The following WDR88 variants were observed in gnomAD, a reference collection of about 807,000 sequenced individuals.
WDR88 encodes the protein WD repeat-containing protein 88.
Under a neutral mutation model 46.8 loss-of-function variants are expected in WDR88, and 40 were observed. The ratio of observed to expected loss-of-function variants is 0.86; its 90% CI spans 0.66 to 1.11. The LOEUF (loss-of-function observed/expected upper bound fraction) is 1.11. Ranked by LOEUF, WDR88 falls within the 50% of genes most tolerant of loss-of-function variation. The pLI is 0.00. For synonymous variants in WDR88, 235 were observed against 240.7 expected, an observed-to-expected ratio of 0.98 and a Z score of 0.22; for missense variants, 562 against 602.4, an observed-to-expected ratio of 0.93 and a Z score of 0.70.
intron 1 of WDR88, among the ~76,000 whole-genome samples, chr19:33,132,907 C>T (rs1243563829): frequency 6.6e-6 from 1 of 152,192 alleles, no homozygotes; most frequent in Non-Finnish European, 1.5e-5. Flanking sequence ...CACCTGTAAT[C>T]CCAGCCCTTT....
chr19:33,151,238 C>T lies in WDR88; in HGVS notation c.737C>T (p.Ala246Val), dbSNP rs1157302011. Residue 246 changes from alanine (A) to valine (V), a missense_variant, in exon 6 of 11, where the codon GCT (alanine) becomes GTT (valine). By Grantham distance (64) the Ala-to-Val change is moderately conservative (BLOSUM62 0). Coordinates refer to ENST00000355868, the MANE Select transcript of WDR88 (RefSeq NM_173479.4). ...CCFDPDSQRV[A>V]SVSLDRCIKI... ...TTTGACCCCGACAGCCAGAGGGTGG[C>T]TTCTGTCTCATTGGACAGGTGCATC... is the stretch of plus-strand genomic sequence containing the variant. The T allele has an allele frequency of 6.2e-7, 1 of 1,613,828 alleles. No homozygotes were observed. Among genetic ancestry groups the T allele is most frequent in the South Asian group, 1.1e-5 (1 of 90,922 alleles).
intron 6 of WDR88, among the ~76,000 whole-genome samples, chr19:33,153,234 T>TC (rs1568365561): frequency 6.9e-6 from 1 of 145,226 alleles, no homozygotes; most frequent in Non-Finnish European, 1.5e-5. Context: ...AGTTTGTTTT[T>TC]TTTTTTTTTT....
intron 9 of WDR88, among the ~76,000 whole-genome samples, chr19:33,168,432 G>C (rs989816487): frequency 9.9e-5 from 15 of 152,054 alleles, no homozygotes; most frequent in African/African-American, 3.6e-4. Context: ...AAAGTTTCAG[G>C]GTACAAAATC....
intron 2 of WDR88, among the ~76,000 whole-genome samples, chr19:33,143,118 C>A (rs984001043): frequency 3.3e-5 from 5 of 151,660 alleles, no homozygotes; most frequent in African/African-American, 1.2e-4. Flanking sequence ...TTGCTTGAGG[C>A]CAAGAGTTTG....
In WDR88 at chr19:33,149,026, G is replaced by A. The variant is rs1373797516; in HGVS notation, c.679+116G>A. The A allele has an allele frequency of 1.2e-5, 18 of 1,469,196 alleles. No homozygotes were observed. The Admixed American group carries it at 2.1e-4, about 17-fold the overall frequency. 91.0% of individuals were successfully genotyped at this position (1,469,196 alleles called of 1,614,324 possible). A position where few individuals can be genotyped will look rare whatever the true frequency, so the allele number is the denominator to read the frequency against. On this transcript the variant is annotated intron_variant, in intron 5 of 10. Transcript: ENST00000355868. ...GTGAAACTGTAATGGTATGAAGCAC[G>A]TCATTAAAGCTGGGACACTAGGCTA...
At position 33,132,124 on chromosome 19, in the gene WDR88, T is replaced by C; in HGVS notation, c.-46T>C. On this transcript the variant is annotated 5_prime_UTR_variant, in exon 1 of 11. Transcript: ENST00000355868. The stretch of plus-strand genomic sequence containing the variant: ...CGGGCGCGGGCGCGCGGCGCCACCG[T>C]TCCCATCCAGGCTTGTCGGCGGCCA... 1.3e-6 allele frequency: 2 copies of C among 1,529,462 alleles called. No homozygotes were observed. Among genetic ancestry groups the C allele is most frequent in the Non-Finnish European group, 1.7e-6 (2 of 1,143,090 alleles). The allele number at this position is 1,529,462 out of a possible 1,614,324, so 94.7% of individuals were successfully genotyped here.
intron 1 of WDR88, among the ~76,000 whole-genome samples, chr19:33,135,204 C>T (rs1973237644): frequency 6.6e-6 from 1 of 152,100 alleles, no homozygotes; most frequent in African/African-American, 2.4e-5. Context: ...CCCAGTTCCC[C>T]AATACCCATC....
intron 6 of WDR88, among the ~76,000 whole-genome samples, chr19:33,155,521 T>C (rs1406588226): frequency 6.7e-6 from 1 of 149,530 alleles, no homozygotes; most frequent in South Asian, 2.1e-4. Context: ...AGGATAGGAG[T>C]GAGAAAAAGG....
intron 9 of WDR88, among the ~76,000 whole-genome samples, chr19:33,167,986 G>A (rs1184440632): frequency 2.7e-5 from 4 of 150,676 alleles, no homozygotes; most frequent in Non-Finnish European, 4.4e-5. Context: ...TCAAAGTGCT[G>A]GGATTACAGG....
intron 9 of WDR88, among the ~76,000 whole-genome samples, chr19:33,169,843 T>C (rs1974008988): frequency 6.6e-6 from 1 of 152,190 alleles, no homozygotes; most frequent in South Asian, 2.1e-4. Flanking sequence ...CGGTATAGGC[T>C]ATATCTATCT....
intron 2 of WDR88, among the ~76,000 whole-genome samples, chr19:33,142,582 C>T (rs1170262521): frequency 6.6e-6 from 1 of 151,720 alleles, no homozygotes; most frequent in Non-Finnish European, 1.5e-5. Context: ...GGACCGAGGG[C>T]CTCTCCAAGA....
chr19:33,139,927 G>C (rs559793475), intron 2 of WDR88, among the ~76,000 whole-genome samples: 1 of 152,252 alleles, frequency 6.6e-6, no homozygotes, highest in African/African-American at 2.4e-5. Context: ...TGTGACCCTG[G>C]GGGGTTGCAT....
At chr19:33,149,945 C>T (rs1254835424) in intron 5 of WDR88, among the ~76,000 whole-genome samples, 1 of 151,910 alleles carries the variant, frequency 6.6e-6, no homozygotes, top group African/African-American at 2.4e-5. Context: ...CGGGCATGAG[C>T]CACTGTGCCC....
At chr19:33,170,260 C>G (rs1974015645) in intron 9 of WDR88, among the ~76,000 whole-genome samples, 1 of 152,084 alleles carries the variant, frequency 6.6e-6, no homozygotes, top group Non-Finnish European at 1.5e-5. Flanking sequence ...TCACTGCAGC[C>G]TGAACCTCCC....
At chr19:33,137,651 G>GCT in intron 1 of WDR88, 26 bp from the exon 2 acceptor site, 1 of 1,580,348 alleles carries the variant, frequency 6.3e-7, no homozygotes, top group Non-Finnish European at 8.7e-7. Flanking sequence ...AACATGTTTA[G>GCT]CTCATCTGGT....
intron 2 of WDR88, 84 bp from the exon 3 acceptor site, chr19:33,144,760 A>G (rs1314977145): frequency 8.0e-7 from 1 of 1,251,544 alleles, no homozygotes; most frequent in East Asian, 2.5e-5. Context: ...GAGATAAGCT[A>G]AGGGCTAATG....
rs1173664875 is a variant in WDR88 at position 33,157,687 on chromosome 19, GTATA to G, written c.997+1192_997+1195del. The stretch of plus-strand genomic sequence containing the variant: ...TATGTATGTGTGTGTGTGTATGTAT[GTATA>G]TATATATATATATATATATATATAT... On this transcript the variant is annotated intron_variant, in intron 7 of 10. Coordinates refer to ENST00000355868, the MANE Select transcript of WDR88 (RefSeq NM_173479.4). Among the ~76,000 whole-genome samples, 32 of 3,374 alleles carry G rather than the reference GTATA, an allele frequency of 9.5e-3. 1 individual carries two copies. Among genetic ancestry groups the G allele is most frequent in the East Asian group, 0.032 (15 of 464 alleles). 2.2% of individuals were successfully genotyped at this position (3,374 alleles called of 152,430 possible).
At chr19:33,157,670 T>C (rs1674982173) in intron 7 of WDR88, among the ~76,000 whole-genome samples, 2 of 1,722 alleles carry the variant, frequency 1.2e-3, no homozygotes, top group South Asian at 0.015. Flanking sequence ...TGTATGTATG[T>C]GTGTGTGTGT....
intron 2 of WDR88, among the ~76,000 whole-genome samples, chr19:33,142,413 G>A (rs865869184): frequency 1.3e-5 from 2 of 152,070 alleles, no homozygotes; most frequent in African/African-American, 4.8e-5. Flanking sequence ...GCTGGAAGCA[G>A]TCTGTGGTGC....
Sources: allele counts gnomAD v4.1 joint callset (sites outside exome capture counted in the v4.1 genomes callset), GRCh38; gene constraint gnomAD v4.1.1; transcripts MANE v1.5; gene names NCBI Gene and HGNC (gene_info 2026-07-23, HGNC 2026-07-21).